TANC2: variants seen among roughly 807,000 people sequenced by gnomAD.
TANC2 encodes protein TANC2.
TANC2 carries 26 observed loss-of-function variants against 210.5 expected under a neutral mutation model. That is an observed-to-expected ratio of 0.12 (90% CI 0.09 to 0.17). TANC2 has a LOEUF of 0.17. TANC2 is among the 10% of genes least tolerant of loss of function. TANC2 has a pLI of 1.00. For missense variants in TANC2, 2,129 were observed against 2,608.9 expected (o/e 0.82, Z 4.01); for synonymous variants, 931 against 967.1 (o/e 0.96, Z 0.69).
intron 8 of TANC2, among the ~76,000 whole-genome samples, chr17:63,250,643 A>G (rs969202512): frequency 6.6e-6 from 1 of 152,188 alleles, no homozygotes; most frequent in Admixed American, 6.5e-5. Context: ...AAATGTGCAT[A>G]TAATAATGGT....
chr17:63,325,538 A>G (rs568833585), intron 11 of TANC2, among the ~76,000 whole-genome samples: 29 of 152,186 alleles, frequency 1.9e-4, no homozygotes, highest in Middle Eastern at 3.4e-3. Flanking sequence ...CTTCTATCAC[A>G]CTATTATTAT....
At chr17:63,161,666 G>A (rs1291512982) in intron 5 of TANC2, among the ~76,000 whole-genome samples, 1 of 151,994 alleles carries the variant, frequency 6.6e-6, no homozygotes, top group Non-Finnish European at 1.5e-5. Flanking sequence ...TCTAAGACCT[G>A]GACCATAGAT....
chr17:63,064,888 G>A (rs1190345256), intron 2 of TANC2, among the ~76,000 whole-genome samples: 2 of 150,858 alleles, frequency 1.3e-5, no homozygotes, highest in Non-Finnish European at 2.9e-5. Context: ...GCTTTTTGTG[G>A]AGAATATTTA....
intron 11 of TANC2, among the ~76,000 whole-genome samples, chr17:63,334,404 T>C (rs750284924): frequency 1.3e-5 from 2 of 152,092 alleles, no homozygotes; most frequent in African/African-American, 2.4e-5. Flanking sequence ...AAAATTAATA[T>C]AGTATTGAAT....
intron 4 of TANC2, among the ~76,000 whole-genome samples, chr17:63,122,005 A>G (rs941196540): frequency 1.3e-5 from 2 of 152,004 alleles, no homozygotes; most frequent in East Asian, 3.9e-4. Flanking sequence ...GGGAGGGTGC[A>G]TATTTCCCTG....
intron 5 of TANC2, among the ~76,000 whole-genome samples, chr17:63,192,018 C>A (rs1479652080): frequency 6.6e-6 from 1 of 152,046 alleles, no homozygotes; most frequent in East Asian, 1.9e-4. Flanking sequence ...ATTTGAGAAG[C>A]CCCCACTAAT....
intron 25 of TANC2, among the ~76,000 whole-genome samples, chr17:63,414,483 G>A (rs778837008): frequency 2.0e-4 from 30 of 152,128 alleles, no homozygotes; most frequent in African/African-American, 2.7e-4. Flanking sequence ...TTGATTTTAC[G>A]TGACTTCATA....
In TANC2 at chr17:63,191,791, A is replaced by G. The variant is rs528076687; in HGVS notation, c.434-2200A>G. On this transcript the variant is annotated intron_variant, in intron 5 of 27. Transcript: ENST00000689528. ...CCCTTGTTTGTTTTCAGAAGTAACT[A>G]TTTTTAATTTATTTTAAAATAGGAA... Among the ~76,000 whole-genome samples, 10 of 152,258 alleles carry G rather than the reference A, an allele frequency of 6.6e-5. 1 individual carries two copies. In the South Asian group the frequency reaches 1.7e-3, roughly 25 times the overall value.
At chr17:63,230,938 C>A (rs145743095) in intron 7 of TANC2, among the ~76,000 whole-genome samples, 47 of 152,330 alleles carry the variant, frequency 3.1e-4, no homozygotes, top group African/African-American at 1.1e-3. Context: ...TTTTATGAAT[C>A]TGGGTGCTCC....
chr17:63,130,107 T>C (rs1275034914), intron 4 of TANC2, among the ~76,000 whole-genome samples: 1 of 152,212 alleles, frequency 6.6e-6, no homozygotes, highest in Non-Finnish European at 1.5e-5. Context: ...TATAGAGTTA[T>C]AAAATAAGAA....
chr17:63,145,083 T>C (rs575325346), intron 4 of TANC2, among the ~76,000 whole-genome samples: 42 of 152,180 alleles, frequency 2.8e-4, no homozygotes, highest in Admixed American at 8.5e-4. Flanking sequence ...CCCCCCACCA[T>C]TTTGCAGGAA....
At chr17:63,353,541 A>G (rs1000037321) in intron 13 of TANC2, among the ~76,000 whole-genome samples, 1 of 152,192 alleles carries the variant, frequency 6.6e-6, no homozygotes, top group Non-Finnish European at 1.5e-5. Context: ...TGACTAAGCT[A>G]GAAACATAAA....
chr17:63,171,950 A>G (rs2040418552), intron 5 of TANC2, among the ~76,000 whole-genome samples: 1 of 152,316 alleles, frequency 6.6e-6, no homozygotes, highest in South Asian at 2.1e-4. Flanking sequence ...TTCCATTACA[A>G]TGAAGGGCAT....
intron 7 of TANC2, among the ~76,000 whole-genome samples, chr17:63,237,249 A>G (rs955746814): frequency 3.3e-5 from 5 of 151,966 alleles, no homozygotes; most frequent in Non-Finnish European, 7.4e-5. Flanking sequence ...TTTCATGTAC[A>G]TGGCCATTTG....
At chr17:62,976,012 G>C (rs759210083) in intron 1 of TANC2, among the ~76,000 whole-genome samples, 3 of 152,058 alleles carry the variant, frequency 2.0e-5, no homozygotes, top group Non-Finnish European at 2.9e-5. Context: ...AGAAACCCAT[G>C]GTAGTTTGGA....
intron 3 of TANC2, among the ~76,000 whole-genome samples, chr17:63,078,758 C>T (rs1382321994): frequency 6.6e-6 from 1 of 152,078 alleles, no homozygotes; most frequent in Non-Finnish European, 1.5e-5. Context: ...GACAAACTTT[C>T]TGTAGGTTGA....
intron 4 of TANC2, among the ~76,000 whole-genome samples, chr17:63,134,897 C>T (rs1422227665): frequency 6.6e-6 from 1 of 151,764 alleles, no homozygotes; most frequent in Non-Finnish European, 1.5e-5. Flanking sequence ...TTTTTTTCTT[C>T]CAATTTAGGG....
intron 8 of TANC2, among the ~76,000 whole-genome samples, chr17:63,260,010 A>G (rs1330867934): frequency 1.3e-5 from 2 of 152,242 alleles, no homozygotes; most frequent in African/African-American, 4.8e-5. Context: ...ATTACTTTGC[A>G]TTAGCAAGGT....
At chr17:63,337,457 G>C (rs1317001212) in intron 11 of TANC2, among the ~76,000 whole-genome samples, 2 of 151,648 alleles carry the variant, frequency 1.3e-5, no homozygotes, top group Non-Finnish European at 2.9e-5. Flanking sequence ...TCTCTATATA[G>C]ATAACTATAT....
Sources: gnomAD v4.1 joint callset for allele counts (sites outside exome capture counted in the v4.1 genomes callset) on GRCh38, gnomAD v4.1.1 for gene constraint, MANE v1.5 for transcripts, NCBI Gene and HGNC (gene_info 2026-07-23, HGNC 2026-07-21) for gene names.